Variants in SPIDR observed in about 807,000 individuals in gnomAD.
SPIDR encodes the protein scaffold protein involved in DNA repair, also known as DNA repair-scaffolding protein.
A neutral mutation model predicts 104.6 loss-of-function variants in SPIDR; 93 were observed. That is an observed-to-expected ratio of 0.89 (90% CI 0.75 to 1.06). The LOEUF is 1.06. SPIDR is among the 50% of genes least tolerant of loss of function. The pLI, the probability that SPIDR is intolerant of heterozygous loss-of-function variation, is 0.00. For synonymous variants in SPIDR, 431 were observed against 416.9 expected (o/e 1.03, Z -0.41); for missense variants, 1,154 against 1,111.2 (o/e 1.04, Z -0.55).
intron 19 of SPIDR, among the ~76,000 whole-genome samples, chr8:47,731,061 C>G (rs539757736): frequency 3.2e-4 from 49 of 152,110 alleles, no homozygotes; most frequent in African/African-American, 1.1e-3. Context: ...AGTTCGAGAC[C>G]AGCCTGGCCA....
At chr8:47,437,597 T>A (rs2068593610) in intron 7 of SPIDR, among the ~76,000 whole-genome samples, 1 of 152,084 alleles carries the variant, frequency 6.6e-6, no homozygotes. Flanking sequence ...CAGACACTTC[T>A]CAAAAGAAGA....
At chr8:47,488,367 A>G (rs943209230) in intron 8 of SPIDR, among the ~76,000 whole-genome samples, 5 of 152,246 alleles carry the variant, frequency 3.3e-5, no homozygotes, top group African/African-American at 1.2e-4. Context: ...TTAATAGCCT[A>G]CCAACCAAAG....
chr8:47,605,752 A>G (rs2062854874), intron 10 of SPIDR, among the ~76,000 whole-genome samples: 1 of 152,180 alleles, frequency 6.6e-6, no homozygotes, highest in African/African-American at 2.4e-5. Context: ...ACTCAGCAGG[A>G]TGCTTCCCAT....
At chr8:47,346,974 G>A (rs782589881) in intron 5 of SPIDR, among the ~76,000 whole-genome samples, 1 of 152,066 alleles carries the variant, frequency 6.6e-6, no homozygotes, top group Non-Finnish European at 1.5e-5. Flanking sequence ...TCTGATCTTA[G>A]TTATTTCTTG....
intron 5 of SPIDR, among the ~76,000 whole-genome samples, chr8:47,388,651 T>A (rs2060223342): frequency 6.6e-6 from 1 of 152,220 alleles, no homozygotes. Context: ...GCCAATCAGC[T>A]CTGACCCCTG....
At chr8:47,345,229 C>T (rs1322025772) in intron 5 of SPIDR, among the ~76,000 whole-genome samples, 1 of 152,116 alleles carries the variant, frequency 6.6e-6, no homozygotes, top group African/African-American at 2.4e-5. Context: ...AATCCTTTCC[C>T]CATTTCTTGT....
chr8:47,525,527 G>A (rs541718940), intron 8 of SPIDR, among the ~76,000 whole-genome samples: 16 of 53,906 alleles, frequency 3.0e-4, no homozygotes, highest in African/African-American at 4.7e-4. Flanking sequence ...ACAGCTGGGC[G>A]CGGTGGCTCA....
chr8:47,453,722 G>A (rs781946205), intron 8 of SPIDR, among the ~76,000 whole-genome samples: 3 of 152,136 alleles, frequency 2.0e-5, no homozygotes, highest in Admixed American at 6.5e-5. Flanking sequence ...ATGGATTAAA[G>A]CCTTAAATGT....
At chr8:47,624,466 TCAACA>T (rs1263548949) in intron 10 of SPIDR, among the ~76,000 whole-genome samples, 1 of 151,802 alleles carries the variant, frequency 6.6e-6, no homozygotes, top group Non-Finnish European at 1.5e-5. Flanking sequence ...TTTGAAAAGA[TCAACA>T]AAATTGATAG....
rs369788693 is a variant in SPIDR, at chr8:47,712,820, C to A, written c.2136C>A (p.Leu712=). The A allele has an allele frequency of 6.2e-7, 1 of 1,614,052 alleles. No homozygotes were observed. The highest frequency in any genetic ancestry group is 8.5e-7 in the Non-Finnish European group (1 of 1,180,036). ...CVLGSEVLEA[L]AGAAPHSLFF... ...TGGGCTCTGAAGTCCTGGAGGCACT[C>A]GCTGGGGCTGCCCCTCACAGCCTCT... The change falls in exon 15 of 20, where the codon CTC becomes CTA. Residue 712 remains leucine (L), a synonymous_variant. Coordinates refer to ENST00000297423, the MANE Select transcript of SPIDR (RefSeq NM_001080394.4).
chr8:47,550,507 T>A (rs1380565670), intron 8 of SPIDR, among the ~76,000 whole-genome samples: 1 of 152,164 alleles, frequency 6.6e-6, no homozygotes, highest in African/African-American at 2.4e-5. Flanking sequence ...GATTCCTAGG[T>A]TTTTTATTCT....
intron 8 of SPIDR, among the ~76,000 whole-genome samples, chr8:47,569,556 G>A (rs1346462448): frequency 6.6e-6 from 1 of 152,156 alleles, no homozygotes; most frequent in Non-Finnish European, 1.5e-5. Flanking sequence ...AGGTCTTACA[G>A]AGTATATTTT....
Position 47,439,804 on chromosome 8 carries a change from A to G in SPIDR, c.878-519A>G, listed in dbSNP as rs183920383. On this transcript the variant is annotated intron_variant, in intron 7 of 19. Transcript: ENST00000297423. ...TCCAGATCAAATTCCACCCATTTCAATCTAGAGCTCTAATACCCAGCAGTC... is the reference window on the plus strand; with the variant it reads ...TCCAGATCAAATTCCACCCATTTCAGTCTAGAGCTCTAATACCCAGCAGTC... Among the ~76,000 whole-genome samples the G allele has an allele frequency of 4.6e-5, 7 of 152,256 alleles. No individual in the cohort carries two copies. In the East Asian group the frequency reaches 1.4e-3, roughly 29 times the overall value.
intron 5 of SPIDR, among the ~76,000 whole-genome samples, chr8:47,328,279 G>A (rs1554601755): frequency 6.6e-6 from 1 of 151,596 alleles, no homozygotes; most frequent in African/African-American, 2.4e-5. Context: ...TTTTTAAAGA[G>A]ATAAAGTCTT....
intron 8 of SPIDR, among the ~76,000 whole-genome samples, chr8:47,571,178 G>C (rs569713325): frequency 1.7e-4 from 26 of 152,234 alleles, no homozygotes; most frequent in Non-Finnish European, 3.4e-4. Context: ...TATTAGTTAA[G>C]GGGTCCAAAC....
intron 5 of SPIDR, among the ~76,000 whole-genome samples, chr8:47,390,975 C>G (rs1563823454): frequency 6.6e-6 from 1 of 152,146 alleles, no homozygotes; most frequent in Non-Finnish European, 1.5e-5. Flanking sequence ...CCTCTCTCTT[C>G]CACCCTCTCT....
Position 47,673,870 on chromosome 8 carries a change from G to C in SPIDR, c.1614G>C (p.Lys538Asn). 1 of 1,614,140 alleles carries C rather than the reference G, an allele frequency of 6.2e-7. No homozygotes were observed. Among genetic ancestry groups the C allele is most frequent in the Non-Finnish European group, 8.5e-7 (1 of 1,180,016 alleles). The part of the protein sequence containing the change: ...GEVHLEFTMS[K>N]ARQLEGKSCS... ...TGCACTTGGAGTTCACCATGTCGAAGGCAAGACAGTTGGAAGGGAAGTCTT... is the reference window on the plus strand; with the variant it reads ...TGCACTTGGAGTTCACCATGTCGAACGCAAGACAGTTGGAAGGGAAGTCTT... The change falls in exon 11 of 20, where the codon AAG (lysine) becomes AAC (asparagine). Residue 538 changes from lysine (K) to asparagine (N), a missense_variant. Transcript: ENST00000297423.
rs956767912 is a variant in SPIDR, at chr8:47,325,028, C to T, written c.525+30998C>T. On this transcript the variant is annotated intron_variant, in intron 5 of 19. Coordinates refer to ENST00000297423, the MANE Select transcript of SPIDR (RefSeq NM_001080394.4). ...CAGATTGGATTAGGGCCCACCCTAA[C>T]GGCAGCATTTTAACATTCACTTATT... Among the ~76,000 whole-genome samples the T allele has an allele frequency of 1.2e-4, 19 of 152,178 alleles. No homozygotes were observed. In the East Asian group the frequency reaches 2.5e-3, roughly 20 times the overall value.
intron 7 of SPIDR, 56 bp from the exon 8 acceptor site, chr8:47,440,267 T>G (rs2069156311): frequency 1.3e-6 from 2 of 1,491,066 alleles, no homozygotes; most frequent in African/African-American, 2.8e-5. Flanking sequence ...TTATTCACGC[T>G]TGAACCATCT....
Sources: allele counts gnomAD v4.1 joint callset (sites outside exome capture counted in the v4.1 genomes callset), GRCh38; gene constraint gnomAD v4.1.1; transcripts MANE v1.5; gene names NCBI Gene and HGNC (gene_info 2026-07-23, HGNC 2026-07-21).